Variants in ACTR5 observed in about 807,000 individuals in gnomAD.
The protein encoded by ACTR5 is actin related protein 5, also known as actin-related protein 5.
A neutral mutation model predicts 61.2 loss-of-function variants in ACTR5; 43 were observed. The observed-to-expected ratio is 0.70, with a 90% CI of 0.55 to 0.91. The LOEUF is 0.91. ACTR5 is among the 40% of genes least tolerant of loss of function. The pLI is 0.00. For missense variants in ACTR5, 798 were observed against 782.2 expected, an observed-to-expected ratio of 1.02 and a Z score of -0.24; for synonymous variants, 333 against 310.5, an observed-to-expected ratio of 1.07 and a Z score of -0.76.
intron 2 of ACTR5, 91 bp from the exon 3 acceptor site, chr20:38,752,037 CTTT>C: frequency 7.1e-7 from 1 of 1,400,394 alleles, no homozygotes; most frequent in Non-Finnish European, 9.7e-7. Context: ...TCTGTTTCTT[CTTT>C]ATCTGCCTTA....
intron 5 of ACTR5, among the ~76,000 whole-genome samples, chr20:38,760,942 C>T (rs1477199560): frequency 6.6e-6 from 1 of 151,696 alleles, no homozygotes; most frequent in African/African-American, 2.4e-5. Context: ...ATCCTTCAGA[C>T]ATTCGGAGCC....
chr20:38,749,998 C>G lies in ACTR5; in HGVS notation c.376-12C>G. On this transcript the variant is annotated splice_polypyrimidine_tract_variant and intron_variant, in intron 1 of 8. Coordinates refer to ENST00000243903, the MANE Select transcript of ACTR5 (RefSeq NM_024855.4). Reference sequence around the variant, plus strand: ...TTACCACTCATTTATTTGCCCTTTTCTTTCAAAGTAGGGCTGTGTTGATCA... The same window carrying G: ...TTACCACTCATTTATTTGCCCTTTTGTTTCAAAGTAGGGCTGTGTTGATCA... The G allele has an allele frequency of 6.2e-7, 1 of 1,605,362 alleles. No homozygotes were observed.
At chr20:38,760,749 C>T (rs530811753) in intron 5 of ACTR5, among the ~76,000 whole-genome samples, 17 of 152,320 alleles carry the variant, frequency 1.1e-4, no homozygotes, top group African/African-American at 3.8e-4. Flanking sequence ...TTCCAGATTC[C>T]ACCCTTGTAA....
At chr20:38,752,001 A>G (rs2145664105) in intron 2 of ACTR5, 130 bp from the exon 3 acceptor site, 3 of 1,038,952 alleles carry the variant, frequency 2.9e-6, no homozygotes, top group South Asian at 1.6e-5. Context: ...CCTTCTGACT[A>G]TCAGGTTTTG....
At chr20:38,766,485 CTTCTT>C (rs1258646259) in intron 7 of ACTR5, 108 bp downstream of exon 7, 3 of 1,347,784 alleles carry the variant, frequency 2.2e-6, no homozygotes, top group African/African-American at 2.9e-5. Flanking sequence ...ATCTCACTCT[CTTCTT>C]TTCATTGACT....
chr20:38,751,312 T>C (rs1004451431), intron 2 of ACTR5, among the ~76,000 whole-genome samples: 23 of 152,238 alleles, frequency 1.5e-4, no homozygotes, highest in Non-Finnish European at 8.8e-5. Flanking sequence ...TAAAGCAGAC[T>C]GAACATATAA....
At chr20:38,749,436 C>G (rs2084373156) in intron 1 of ACTR5, among the ~76,000 whole-genome samples, 1 of 152,136 alleles carries the variant, frequency 6.6e-6, no homozygotes, top group Admixed American at 6.5e-5. Context: ...TGCCCTAATC[C>G]TAACTGCAAG....
chr20:38,750,163 A>G lies in ACTR5; in HGVS notation c.529A>G (p.Lys177Glu), dbSNP rs2084377766. The change falls in exon 2 of 9, where the codon AAG (lysine) becomes GAG (glutamate). Residue 177 changes from lysine (K) to glutamate (E), a missense_variant. By Grantham distance (56) the Lys-to-Glu change is moderately conservative. Transcript: ENST00000243903. ...CTTCAGCTTCTACCACAATAAGCCAAAGAACTCGATGTGCAGTGGGCTAAT... is the reference window on the plus strand; with the variant it reads ...CTTCAGCTTCTACCACAATAAGCCAGAGAACTCGATGTGCAGTGGGCTAAT... ...SLFSFYHNKP[K>E]NSMCSGLIIS... The G allele has an allele frequency of 6.2e-7, 1 of 1,614,128 alleles. No homozygotes were observed. Among genetic ancestry groups the G allele is most frequent in the African/African-American group, 1.3e-5 (1 of 74,944 alleles).
rs912075730 is a variant in ACTR5 at position 38,766,395 on chromosome 20, C to T, written c.1433+18C>T. The T allele has an allele frequency of 3.2e-6, 5 of 1,562,570 alleles. No homozygotes were observed. The highest frequency in any genetic ancestry group is 4.3e-6 in the Non-Finnish European group (5 of 1,157,354). On this transcript the variant is annotated intron_variant, in intron 7 of 8. Coordinates refer to ENST00000243903, the MANE Select transcript of ACTR5 (RefSeq NM_024855.4). ...CTGGACAGGTGAGACAGCGAATCTGCTTTTCCTTCTATCTTCCTGAACCAT... is the reference window on the plus strand; with the variant it reads ...CTGGACAGGTGAGACAGCGAATCTGTTTTTCCTTCTATCTTCCTGAACCAT...
intron 3 of ACTR5, among the ~76,000 whole-genome samples, chr20:38,753,428 T>TA (rs750748510): frequency 1.2e-3 from 162 of 136,914 alleles, no homozygotes; most frequent in African/African-American, 2.0e-3. Flanking sequence ...TGATGTTGAG[T>TA]AAAAAAAAAA....
intron 3 of ACTR5, among the ~76,000 whole-genome samples, chr20:38,752,646 A>G (rs2084394017): frequency 6.6e-6 from 1 of 152,218 alleles, no homozygotes; most frequent in Non-Finnish European, 1.5e-5. Flanking sequence ...AATAACATCT[A>G]TGCTGCAGAA....
intron 4 of ACTR5, 98 bp from the exon 5 acceptor site, chr20:38,755,759 G>A (rs2084416545): frequency 7.4e-7 from 1 of 1,346,400 alleles, no homozygotes; most frequent in Non-Finnish European, 1.0e-6. Context: ...TCTGGGCAGG[G>A]TAGGCCAGGG....
intron 5 of ACTR5, among the ~76,000 whole-genome samples, chr20:38,760,658 CT>C (rs2084448033): frequency 1.3e-5 from 2 of 152,164 alleles, no homozygotes; most frequent in African/African-American, 4.8e-5. Context: ...CATTATCCCC[CT>C]TTTACAGACA....
chr20:38,761,602 C>G (rs944085313), intron 5 of ACTR5: 12 of 128,806 alleles, frequency 9.3e-5, no homozygotes. Context: ...ATCTGGCTGG[C>G]TAAGCTGGTG....
At chr20:38,767,680 T>G in intron 8 of ACTR5, 84 bp downstream of exon 8, 1 of 1,455,304 alleles carries the variant, frequency 6.9e-7, no homozygotes, top group South Asian at 1.4e-5. Flanking sequence ...TGCAGAAATA[T>G]CCACTGTTAA....
chr20:38,764,938 G>T (rs1032751186), intron 5 of ACTR5, among the ~76,000 whole-genome samples: 1 of 152,256 alleles, frequency 6.6e-6, no homozygotes, highest in Non-Finnish European at 1.5e-5. Context: ...CCAAAGTGCA[G>T]AGGGATTACA....
chr20:38,754,120 G>GTGT (rs1395170734), intron 3 of ACTR5, among the ~76,000 whole-genome samples: 1 of 152,184 alleles, frequency 6.6e-6, no homozygotes, highest in African/African-American at 2.4e-5. Flanking sequence ...CCATCAGACA[G>GTGT]TGTTGTGATT....
At chr20:38,750,381 A>G (rs1030980382) in intron 2 of ACTR5, 142 bp downstream of exon 2, 3 of 680,642 alleles carry the variant, frequency 4.4e-6, no homozygotes, top group Admixed American at 5.6e-5. Context: ...GAACTACCTC[A>G]CTGTGTGACT....
chr20:38,754,609 C>T (rs1318643446), intron 3 of ACTR5, among the ~76,000 whole-genome samples: 2 of 152,072 alleles, frequency 1.3e-5, no homozygotes, highest in African/African-American at 4.8e-5. Flanking sequence ...GTCCCAGCTA[C>T]TCAGGAGGCT....
Sources: allele counts gnomAD v4.1 joint callset (sites outside exome capture counted in the v4.1 genomes callset), GRCh38; gene constraint gnomAD v4.1.1; transcripts MANE v1.5; gene names NCBI Gene and HGNC (gene_info 2026-07-23, HGNC 2026-07-21).